Variants in DDX6 observed in about 807,000 individuals in gnomAD.
DDX6 encodes the protein DEAD-box helicase 6, also known as probable ATP-dependent RNA helicase DDX6.
A neutral mutation model predicts 60.6 loss-of-function variants in DDX6; 7 were observed. The observed-to-expected ratio is 0.12, with a 90% CI of 0.07 to 0.22. The LOEUF (loss-of-function observed/expected upper bound fraction) is 0.22, where lower values mean the gene tolerates loss of function less well. DDX6 is among the 10% of genes least tolerant of loss of function. DDX6 has a pLI of 1.00. For missense variants in DDX6, 270 were observed against 589.9 expected, an observed-to-expected ratio of 0.46 and a Z score of 5.62; for synonymous variants, 207 against 201.0, an observed-to-expected ratio of 1.03 and a Z score of -0.25.
At chr11:118,769,691 T>A (rs1555162059) in intron 4 of DDX6, among the ~76,000 whole-genome samples, 1 of 152,028 alleles carries the variant, frequency 6.6e-6, no homozygotes, top group African/African-American at 2.4e-5. Flanking sequence ...TGAAAAATTG[T>A]TAAAAGGAAA....
rs1260763899 is a variant in DDX6, at chr11:118,748,039, C to T, written c.*4066G>A. 1 of 151,778 alleles carries T rather than the reference C, an allele frequency of 6.6e-6. No homozygotes were observed. Among genetic ancestry groups the T allele is most frequent in the Non-Finnish European group, 1.5e-5 (1 of 67,982 alleles). The allele number at this position is 151,778 out of a possible 1,614,324, so 9.4% of individuals were successfully genotyped here. A position where few individuals can be genotyped will look rare whatever the true frequency, so the allele number is the denominator to read the frequency against. ...CCTTGTGGCTAGGGACATTGGAATT[C>T]TCTACCATTTTTACTGAACAAAAAA... On this transcript the variant is annotated 3_prime_UTR_variant, in exon 14 of 14. Transcript: ENST00000534980.
chr11:118,749,383 A>AAAAC lies in DDX6; in HGVS notation c.*2721_*2722insGTTT, dbSNP rs1860676457. 1 of 144,914 alleles carries AAAAC rather than the reference A, an allele frequency of 6.9e-6. No individual in the cohort carries two copies. The highest frequency in any genetic ancestry group is 1.5e-5 in the Non-Finnish European group (1 of 66,068). The allele number at this position is 144,914 out of a possible 1,614,324, so 9.0% of individuals were successfully genotyped here. A position where few individuals can be genotyped will look rare whatever the true frequency, so the allele number is the denominator to read the frequency against. ...GAAAAAAAAAAAAAAAAAAAAAAAG[A>AAAAC]CCAGGCTTTGACCTAGTCCTCAGAG... On this transcript the variant is annotated 3_prime_UTR_variant, in exon 14 of 14. Transcript: ENST00000534980.
chr11:118,757,487 G>C (rs1351069817), intron 9 of DDX6, among the ~76,000 whole-genome samples, 200 bp from the exon 10 acceptor site: 7 of 152,074 alleles, frequency 4.6e-5, no homozygotes, highest in Non-Finnish European at 1.0e-4. Flanking sequence ...TACCGTATTA[G>C]AGTATATTTC....
intron 4 of DDX6, among the ~76,000 whole-genome samples, chr11:118,770,492 C>T (rs144297076): frequency 1.2e-4 from 19 of 152,212 alleles, no homozygotes; most frequent in Admixed American, 8.5e-4. Context: ...AGCAGGATGA[C>T]TTCCATCTCC....
chr11:118,787,691 C>T (rs1173859859), intron 1 of DDX6: 1 of 151,970 alleles, frequency 6.6e-6, no homozygotes, highest in Non-Finnish European at 1.5e-5. Flanking sequence ...CCTTTTTGTC[C>T]TTTAAAACAA....
chr11:118,754,870 C>A lies in DDX6; in HGVS notation c.1294G>T (p.Gly432Cys). ...TATGTGATCAAGTTGATGGCTAAGC[C>A]AAGATGACCAAAGCGACCTAAAAAA... is the stretch of plus-strand genomic sequence containing the variant. The part of the protein sequence containing the change: ...IGRSGRFGHL[G>C]LAINLITYDD... Residue 432 changes from glycine (G) to cysteine (C), a missense_variant, in exon 13 of 14, where the codon GGC (glycine) becomes TGC (cysteine). Coordinates refer to ENST00000534980, the MANE Select transcript of DDX6 (RefSeq NM_004397.6). 6.3e-7 allele frequency: 1 copy of A among 1,596,592 alleles called. No individual in the cohort carries two copies. Among genetic ancestry groups the A allele is most frequent in the Admixed American group, 1.8e-5 (1 of 54,236 alleles).
chr11:118,756,636 G>C (rs186222949), intron 10 of DDX6, among the ~76,000 whole-genome samples: 1 of 152,222 alleles, frequency 6.6e-6, no homozygotes, highest in East Asian at 1.9e-4. Context: ...AAGAAAAAAA[G>C]AAAAATCAGC....
chr11:118,756,384 A>G, intron 10 of DDX6, 61 bp from the exon 11 acceptor site: 1 of 1,323,168 alleles, frequency 7.6e-7, no homozygotes, highest in East Asian at 2.3e-5. Flanking sequence ...AATTTCCCAT[A>G]ATTATTTCTC....
chr11:118,764,339 C>T (rs1315945089), intron 6 of DDX6, among the ~76,000 whole-genome samples: 1 of 152,110 alleles, frequency 6.6e-6, no homozygotes, highest in Non-Finnish European at 1.5e-5. Context: ...CAACTTTACT[C>T]TTTAATGACT....
chr11:118,764,455 T>C (rs926251455), intron 6 of DDX6, among the ~76,000 whole-genome samples: 2 of 152,158 alleles, frequency 1.3e-5, no homozygotes, highest in Non-Finnish European at 2.9e-5. Context: ...GCAAACAACT[T>C]TGTACCTACA....
intron 7 of DDX6, 113 bp downstream of exon 7, chr11:118,763,099 T>C (rs1025216344): frequency 3.0e-6 from 2 of 659,790 alleles, no homozygotes; most frequent in Admixed American, 5.8e-5. Context: ...AAACTGATTG[T>C]TTATGTGTTT....
rs1860706316 is a variant in DDX6 at position 118,750,106 on chromosome 11, AAAG to A, written c.*1996_*1998del. 1 of 152,762 alleles carries A rather than the reference AAAG, an allele frequency of 6.5e-6. No homozygotes were observed. Among genetic ancestry groups the A allele is most frequent in the African/African-American group, 2.4e-5 (1 of 41,584 alleles). The allele number at this position is 152,762 out of a possible 1,614,324, so 9.5% of individuals were successfully genotyped here. On this transcript the variant is annotated 3_prime_UTR_variant, in exon 14 of 14. Transcript: ENST00000534980. ...CTTTGTCCAAAAGAGTTAAAACATT[AAAG>A]TATATGCGGGACTTATTTTGTAATA... is the stretch of plus-strand genomic sequence containing the variant.
At chr11:118,774,275 A>C (rs1861627768) in intron 4 of DDX6, among the ~76,000 whole-genome samples, 1 of 152,170 alleles carries the variant, frequency 6.6e-6, no homozygotes. Context: ...AAAGAAGTCT[A>C]GGTTCCTATA....
chr11:118,777,443 C>G (rs1555163807), intron 4 of DDX6, among the ~76,000 whole-genome samples: 1 of 152,128 alleles, frequency 6.6e-6, no homozygotes, highest in African/African-American at 2.4e-5. Flanking sequence ...TTTCCTTGCT[C>G]TTTCCACTGA....
chr11:118,771,282 C>A (rs1458376865), intron 4 of DDX6, among the ~76,000 whole-genome samples: 1 of 139,604 alleles, frequency 7.2e-6, no homozygotes, highest in African/African-American at 2.6e-5. Context: ...CAGAATTAGA[C>A]TAGAGGTATC....
chr11:118,754,003 C>T (rs919119158), intron 13 of DDX6, among the ~76,000 whole-genome samples: 1 of 152,188 alleles, frequency 6.6e-6, no homozygotes, highest in Admixed American at 6.5e-5. Flanking sequence ...GGCTGAGGTG[C>T]ACCAGAATCG....
intron 6 of DDX6, among the ~76,000 whole-genome samples, chr11:118,763,782 C>T (rs533003220): frequency 1.3e-5 from 2 of 148,620 alleles, no homozygotes; most frequent in East Asian, 2.0e-4. Flanking sequence ...TGCAGTGAGC[C>T]GAGATCACAC....
intron 2 of DDX6, among the ~76,000 whole-genome samples, chr11:118,783,932 A>G (rs1213736731): frequency 5.9e-5 from 9 of 151,730 alleles, no homozygotes; most frequent in Non-Finnish European, 1.0e-4. Context: ...CCTGGGCAAC[A>G]TGACAAAACG....
chr11:118,784,642 A>G (rs1862014046), intron 2 of DDX6, among the ~76,000 whole-genome samples: 1 of 151,946 alleles, frequency 6.6e-6, no homozygotes, highest in Admixed American at 6.6e-5. Context: ...TATTTTTAGT[A>G]AAGACAGGGT....
Sources: gnomAD v4.1 joint callset for allele counts (sites outside exome capture counted in the v4.1 genomes callset) on GRCh38, gnomAD v4.1.1 for gene constraint, MANE v1.5 for transcripts, NCBI Gene and HGNC (gene_info 2026-07-23, HGNC 2026-07-21) for gene names.